Variants in HPSE2 observed in about 807,000 individuals in gnomAD.
HPSE2 encodes the protein heparanase 2 (inactive), also known as inactive heparanase-2.
A neutral mutation model predicts 60.5 loss-of-function variants in HPSE2; 38 were observed. The observed-to-expected ratio is 0.63, with a 90% CI of 0.48 to 0.82. HPSE2 has a LOEUF of 0.82. HPSE2 is among the 40% of genes least tolerant of loss of function. HPSE2 has a pLI of 0.00. For synonymous variants in HPSE2, 295 were observed against 293.2 expected, an observed-to-expected ratio of 1.01 and a Z score of -0.06; for missense variants, 713 against 740.4, an observed-to-expected ratio of 0.96 and a Z score of 0.43.
At chr10:98,890,814 A>T (rs925292021) in intron 3 of HPSE2, among the ~76,000 whole-genome samples, 12 of 152,186 alleles carry the variant, frequency 7.9e-5, no homozygotes, top group Admixed American at 7.2e-4. Flanking sequence ...TGATTAGAGG[A>T]TATGCTTTTG....
intron 3 of HPSE2, among the ~76,000 whole-genome samples, chr10:98,902,490 A>T (rs749643685): frequency 1.3e-4 from 20 of 152,250 alleles, no homozygotes; most frequent in Non-Finnish European, 2.6e-4. Context: ...TATGAATGAC[A>T]ATATGAGTCA....
chr10:98,507,466 G>C (rs1480192174), intron 9 of HPSE2, among the ~76,000 whole-genome samples: 1 of 152,138 alleles, frequency 6.6e-6, no homozygotes, highest in African/African-American at 2.4e-5. Context: ...ATGATGATTT[G>C]CTGTTAGTTT....
chr10:98,806,854 T>A (rs1177408218), intron 3 of HPSE2, among the ~76,000 whole-genome samples: 1 of 152,162 alleles, frequency 6.6e-6, no homozygotes, highest in African/African-American at 2.4e-5. Context: ...TAGAATATAA[T>A]GAATCCCAGC....
chr10:98,849,752 A>AT lies in HPSE2; in HGVS notation c.611-105697dup, dbSNP rs937578346. On this transcript the variant is annotated intron_variant, in intron 3 of 11. Transcript: ENST00000370552. Reference sequence around the variant, plus strand: ...AAGTTGGCCCTATTTAAGCTCCTCGATTTTTTTTTTTGAGACGGAGTCTCG... The same window carrying AT: ...AAGTTGGCCCTATTTAAGCTCCTCGATTTTTTTTTTTTGAGACGGAGTCTCG... 2.8e-3 allele frequency among the ~76,000 whole-genome samples: 422 copies of AT among 148,800 alleles called. 1 individual carries two copies. The highest frequency in any genetic ancestry group is 3.5e-3 in the Middle Eastern group (1 of 284).
chr10:98,748,306 A>C (rs1382235497), intron 3 of HPSE2, among the ~76,000 whole-genome samples: 3 of 152,192 alleles, frequency 2.0e-5, no homozygotes, highest in Non-Finnish European at 2.9e-5. Flanking sequence ...AATCCGTCTC[A>C]AAAAATAATA....
intron 3 of HPSE2, among the ~76,000 whole-genome samples, chr10:99,026,418 A>T (rs1957378925): frequency 6.6e-6 from 1 of 152,126 alleles, no homozygotes; most frequent in South Asian, 2.1e-4. Context: ...AGAGAACATA[A>T]AAATTTTAAA....
intron 9 of HPSE2, among the ~76,000 whole-genome samples, chr10:98,587,070 A>T (rs1944959833): frequency 6.6e-6 from 1 of 152,162 alleles, no homozygotes; most frequent in South Asian, 2.1e-4. Context: ...GTCTTAATAA[A>T]CCATAGCTTA....
In HPSE2 at chr10:99,120,033, G is replaced by T. The variant is rs1844884331; in HGVS notation, c.610+24205C>A. Among the ~76,000 whole-genome samples, 4 of 152,142 alleles carry T rather than the reference G, an allele frequency of 2.6e-5. No individual in the cohort carries two copies. In the South Asian group the frequency reaches 8.3e-4, roughly 31 times the overall value. ...CAGTACCATCCTGGACATAGGAACA[G>T]GCAAAGATTTCATGACAAAGACGCC... On this transcript the variant is annotated intron_variant, in intron 3 of 11. Coordinates refer to ENST00000370552, the MANE Select transcript of HPSE2 (RefSeq NM_021828.5).
chr10:98,462,240 G>A (rs1360323829), intron 11 of HPSE2, among the ~76,000 whole-genome samples: 1 of 152,150 alleles, frequency 6.6e-6, no homozygotes, highest in Non-Finnish European at 1.5e-5. Context: ...GTGCAGTGGT[G>A]CATTCTTGGC....
intron 2 of HPSE2, among the ~76,000 whole-genome samples, chr10:99,217,643 G>A (rs2133922636): frequency 6.6e-6 from 1 of 152,078 alleles, no homozygotes; most frequent in Admixed American, 6.5e-5. Context: ...ATCCAGGCTG[G>A]AGTGCAGTGG....
At chr10:99,180,342 T>G (rs935543310) in intron 2 of HPSE2, among the ~76,000 whole-genome samples, 1 of 152,016 alleles carries the variant, frequency 6.6e-6, no homozygotes, top group Non-Finnish European at 1.5e-5. Flanking sequence ...GAGAGAAAAT[T>G]TTTGCAATCT....
At chr10:99,309,223 G>A in the HPSE2 span, among the ~76,000 whole-genome samples, 1 of 152,134 alleles carries the variant, frequency 6.6e-6, no homozygotes, top group Admixed American at 6.5e-5. Flanking sequence ...GGGTTTTTGG[G>A]GGGCAGGTGA....
intron 5 of HPSE2, among the ~76,000 whole-genome samples, chr10:98,713,743 A>T (rs1948728936): frequency 6.6e-6 from 1 of 151,982 alleles, no homozygotes; most frequent in Non-Finnish European, 1.5e-5. Flanking sequence ...ACATAATGTT[A>T]ATATCCTGTA....
the HPSE2 span, among the ~76,000 whole-genome samples, chr10:99,310,815 G>A: frequency 2.0e-5 from 3 of 152,080 alleles, no homozygotes; most frequent in Admixed American, 6.6e-5. Flanking sequence ...TTTTAGTAGC[G>A]ATGAGGTTAT....
chr10:98,849,700 G>A (rs1447339698), intron 3 of HPSE2, among the ~76,000 whole-genome samples: 1 of 152,100 alleles, frequency 6.6e-6, no homozygotes, highest in Non-Finnish European at 1.5e-5. Context: ...GAAATAATTT[G>A]TAATTGGCTA....
rs576908191 is a variant in HPSE2 at position 98,633,833 on chromosome 10, G to A, written c.1098+8014C>T. Among the ~76,000 whole-genome samples, 9 of 152,280 alleles carry A rather than the reference G, an allele frequency of 5.9e-5. No homozygotes were observed. In the East Asian group the frequency reaches 1.7e-3, roughly 29 times the overall value. ...TCCATCAAAACCTGCTCTTGGGAAA[G>A]GATCTTCTATTTACCTTTAAAGCCT... On this transcript the variant is annotated intron_variant, in intron 7 of 11. Coordinates refer to ENST00000370552, the MANE Select transcript of HPSE2 (RefSeq NM_021828.5).
At chr10:98,898,067 T>C (rs1953547463) in intron 3 of HPSE2, among the ~76,000 whole-genome samples, 1 of 152,060 alleles carries the variant, frequency 6.6e-6, no homozygotes, top group Non-Finnish European at 1.5e-5. Context: ...AAAGAAGACA[T>C]ACAGATGGCA....
chr10:99,097,107 C>A (rs958406655), intron 3 of HPSE2, among the ~76,000 whole-genome samples: 1 of 152,070 alleles, frequency 6.6e-6, no homozygotes, highest in Non-Finnish European at 1.5e-5. Flanking sequence ...CAGTATATAC[C>A]CAAGGACAAG....
intron 3 of HPSE2, among the ~76,000 whole-genome samples, chr10:98,845,708 T>C (rs1952018489): frequency 6.6e-6 from 1 of 152,228 alleles, no homozygotes; most frequent in Non-Finnish European, 1.5e-5. Context: ...TGTGTGTCTC[T>C]GATGTGGCTG....
Sources: gnomAD v4.1 joint callset for allele counts (sites outside exome capture counted in the v4.1 genomes callset) on GRCh38, gnomAD v4.1.1 for gene constraint, MANE v1.5 for transcripts, NCBI Gene and HGNC (gene_info 2026-07-23, HGNC 2026-07-21) for gene names.